Variants in GABRG3 observed in about 807,000 individuals in gnomAD.
GABRG3 encodes the protein gamma-aminobutyric acid receptor subunit gamma-3.
Under a neutral mutation model 48.8 loss-of-function variants are expected in GABRG3, and 25 were observed. The ratio of observed to expected loss-of-function variants is 0.51; its 90% CI spans 0.37 to 0.72. GABRG3 has a LOEUF of 0.72. GABRG3 is among the 30% of genes least tolerant of loss of function. The pLI, the probability that GABRG3 is intolerant of heterozygous loss-of-function variation, is 0.00. For missense variants in GABRG3, 394 were observed against 577.9 expected (o/e 0.68, Z 3.26); for synonymous variants, 227 against 217.6 (o/e 1.04, Z -0.38).
At chr15:27,231,672 G>T (rs769295321) in intron 3 of GABRG3, among the ~76,000 whole-genome samples, 1 of 152,122 alleles carries the variant, frequency 6.6e-6, no homozygotes, top group African/African-American at 2.4e-5. Context: ...CTCATATCCT[G>T]GCTGTGGAAT....
chr15:26,991,280 G>T (rs937338418), intron 2 of GABRG3, among the ~76,000 whole-genome samples: 2 of 152,022 alleles, frequency 1.3e-5, no homozygotes, highest in Non-Finnish European at 2.9e-5. Flanking sequence ...TGGTTTATGT[G>T]TCTGTTTTTT....
At chr15:27,033,223 AG>A (rs769899369) in intron 3 of GABRG3, among the ~76,000 whole-genome samples, 9 of 151,296 alleles carry the variant, frequency 5.9e-5, no homozygotes, top group Non-Finnish European at 1.2e-4. Flanking sequence ...GTGCCCTGTC[AG>A]CAGAAGACAA....
chr15:27,255,874 C>T (rs151019542), intron 3 of GABRG3, among the ~76,000 whole-genome samples: 414 of 150,906 alleles, frequency 2.7e-3, no homozygotes, highest in African/African-American at 9.1e-3. Flanking sequence ...TCCCTAGAAA[C>T]GGGAAGAGCA....
intron 2 of GABRG3, among the ~76,000 whole-genome samples, chr15:26,992,011 G>T (rs564527629): frequency 1.3e-5 from 2 of 152,068 alleles, no homozygotes; most frequent in Non-Finnish European, 2.9e-5. Flanking sequence ...GAGCCACTGC[G>T]CCCAGCCTAA....
chr15:26,981,015 A>T (rs908230431), intron 2 of GABRG3, among the ~76,000 whole-genome samples: 6 of 152,164 alleles, frequency 3.9e-5, no homozygotes, highest in Admixed American at 6.5e-5. Context: ...TGTACAACAA[A>T]TTTCCATGAC....
At chr15:27,128,272 T>C (rs900182140) in intron 3 of GABRG3, among the ~76,000 whole-genome samples, 1 of 152,228 alleles carries the variant, frequency 6.6e-6, no homozygotes, top group East Asian at 1.9e-4. Flanking sequence ...AGCTTGTGGC[T>C]GCTGTGGTGC....
At chr15:27,387,686 G>T (rs1555376572) in intron 5 of GABRG3, among the ~76,000 whole-genome samples, 1 of 151,256 alleles carries the variant, frequency 6.6e-6, no homozygotes, top group Non-Finnish European at 1.5e-5. Context: ...GTGTGCAGTG[G>T]GGATCACAGG....
chr15:27,278,499 G>A (rs533830014), intron 3 of GABRG3, among the ~76,000 whole-genome samples: 5 of 152,004 alleles, frequency 3.3e-5, no homozygotes, highest in South Asian at 2.1e-4. Context: ...CCCTAATCCC[G>A]GACACCACTA....
intron 5 of GABRG3, among the ~76,000 whole-genome samples, chr15:27,369,773 C>T (rs191408095): frequency 0.018 from 2,564 of 138,760 alleles, 50 homozygotes; most frequent in Middle Eastern, 0.024. Flanking sequence ...CACCACTGCA[C>T]TCCAGCCTGG....
chr15:27,069,598 A>G (rs1306655646), intron 3 of GABRG3, among the ~76,000 whole-genome samples: 1 of 152,242 alleles, frequency 6.6e-6, no homozygotes, highest in East Asian at 1.9e-4. Context: ...GGGAAAGGCT[A>G]GCAGAGTATA....
At chr15:27,187,192 C>T (rs1037216156) in intron 3 of GABRG3, among the ~76,000 whole-genome samples, 2 of 152,022 alleles carry the variant, frequency 1.3e-5, no homozygotes, top group African/African-American at 2.4e-5. Context: ...GTCCTTTTTC[C>T]ATTGCTTTTT....
intron 3 of GABRG3, among the ~76,000 whole-genome samples, chr15:27,144,835 G>C (rs769716501): frequency 6.6e-6 from 1 of 152,210 alleles, no homozygotes; most frequent in Non-Finnish European, 1.5e-5. Flanking sequence ...AGGACACACA[G>C]AGCAACTTGG....
intron 3 of GABRG3, among the ~76,000 whole-genome samples, chr15:27,203,507 A>G (rs1021908790): frequency 6.6e-6 from 1 of 152,146 alleles, no homozygotes; most frequent in Non-Finnish European, 1.5e-5. Context: ...GAACATGCAC[A>G]TGCGTGTATC....
At chr15:27,138,288 G>C (rs1433869770) in intron 3 of GABRG3, among the ~76,000 whole-genome samples, 5 of 152,058 alleles carry the variant, frequency 3.3e-5, no homozygotes, top group African/African-American at 1.2e-4. Flanking sequence ...CACCCCTCCT[G>C]GTAACTACAT....
At chr15:27,018,058 T>C (rs946150985) in intron 2 of GABRG3, among the ~76,000 whole-genome samples, 5 of 152,252 alleles carry the variant, frequency 3.3e-5, no homozygotes, top group African/African-American at 7.2e-5. Context: ...GCTGCTATTA[T>C]GAAGGGAGTT....
chr15:27,470,600 CT>C (rs955722660), intron 5 of GABRG3, among the ~76,000 whole-genome samples: 3 of 151,012 alleles, frequency 2.0e-5, no homozygotes, highest in African/African-American at 7.3e-5. Flanking sequence ...CAGTTTCTAC[CT>C]TTTCATCCTA....
chr15:27,342,859 C>T (rs1894234979), intron 5 of GABRG3, among the ~76,000 whole-genome samples: 1 of 152,224 alleles, frequency 6.6e-6, no homozygotes, highest in Non-Finnish European at 1.5e-5. Context: ...CTGCTCCTGC[C>T]TCCTAGTCTG....
intron 9 of GABRG3, 146 bp from the exon 10 acceptor site, chr15:27,532,454 C>T (rs537884886): frequency 7.3e-5 from 24 of 326,704 alleles, no homozygotes; most frequent in South Asian, 6.0e-4. Context: ...AAAAGACCAA[C>T]TCTCTCCAGC....
At chr15:27,049,764 G>A (rs977296307) in intron 3 of GABRG3, among the ~76,000 whole-genome samples, 1 of 152,250 alleles carries the variant, frequency 6.6e-6, no homozygotes, top group African/African-American at 2.4e-5. Flanking sequence ...AAGAAAGGAT[G>A]AGTGATGCGT....
Sources: gnomAD v4.1 joint callset for allele counts (sites outside exome capture counted in the v4.1 genomes callset) on GRCh38, gnomAD v4.1.1 for gene constraint, MANE v1.5 for transcripts, NCBI Gene and HGNC (gene_info 2026-07-23, HGNC 2026-07-21) for gene names.